The following FLCN variants were observed in gnomAD, a reference collection of about 807,000 sequenced individuals.
The protein encoded by FLCN is folliculin.
FLCN carries 22 observed loss-of-function variants against 62.5 expected under a neutral mutation model. The observed-to-expected ratio is 0.35, with a 90% CI of 0.25 to 0.50. The LOEUF (loss-of-function observed/expected upper bound fraction) is 0.50, where lower values mean the gene tolerates loss of function less well. Ranked by LOEUF, FLCN falls within the 20% of genes least tolerant of loss-of-function variation. The pLI, the probability that FLCN is intolerant of heterozygous loss-of-function variation, is 0.97. For synonymous variants in FLCN, 319 were observed against 310.0 expected (o/e 1.03, Z -0.30); for missense variants, 657 against 778.0 (o/e 0.84, Z 1.85).
intron 3 of FLCN, among the ~76,000 whole-genome samples, chr17:17,230,315 G>A (rs2047382032): frequency 6.6e-6 from 1 of 152,158 alleles, no homozygotes; most frequent in African/African-American, 2.4e-5. Flanking sequence ...TGGATCACTT[G>A]AGGTCAGGAG....
rs1239372508 is a variant in FLCN at position 17,216,796 on chromosome 17, G to A, written c.1176+273C>T. Among the ~76,000 whole-genome samples, 2 of 152,150 alleles carry A rather than the reference G, an allele frequency of 1.3e-5. No homozygotes were observed. The highest frequency in any genetic ancestry group is 2.1e-4 in the South Asian group (1 of 4,826). On this transcript the variant is annotated intron_variant, in intron 10 of 13. Transcript: ENST00000285071. This position sits in a 1 kb window ranked among gnomAD's most constrained non-coding sequence, Gnocchi z 4.0. ...CCTGCACAGATGTTTGTCTCCTACCGCATCCCACAAAGAAGCTTTTACCAA... is the reference window on the plus strand; with the variant it reads ...CCTGCACAGATGTTTGTCTCCTACCACATCCCACAAAGAAGCTTTTACCAA...
intron 5 of FLCN, chr17:17,225,460 C>A (rs2047219377): frequency 6.5e-6 from 1 of 154,126 alleles, no homozygotes; most frequent in South Asian, 2.0e-4. Flanking sequence ...CACCTGTAAT[C>A]CCAGCACTTC....
chr17:17,214,147 A>G (rs1202529013), intron 13 of FLCN, among the ~76,000 whole-genome samples: 1 of 152,024 alleles, frequency 6.6e-6, no homozygotes, highest in Non-Finnish European at 1.5e-5. Context: ...GCCAAGAAGA[A>G]AGAAAAACCT....
chr17:17,221,252 A>T (rs2047075439), intron 8 of FLCN: 1 of 1,540,576 alleles, frequency 6.5e-7, no homozygotes, highest in African/African-American at 1.4e-5. Flanking sequence ...CGGGACGAGA[A>T]GCCTTTAATC....
chr17:17,226,096 A>G (rs762363261), intron 5 of FLCN, 80 bp downstream of exon 5: 1 of 1,592,764 alleles, frequency 6.3e-7, no homozygotes, highest in South Asian at 1.1e-5. Context: ...TCCCTGTGCA[A>G]TGCTGGCTCC....
Position 17,223,930 on chromosome 17 carries a change from C to T in FLCN, c.610G>A (p.Ala204Thr), listed in dbSNP as rs1456509027. The T allele has an allele frequency of 1.9e-6, 3 of 1,613,220 alleles. No homozygotes were observed. Among genetic ancestry groups the T allele is most frequent in the Non-Finnish European group, 2.5e-6 (3 of 1,180,048 alleles). Residue 204 changes from alanine (A) to threonine (T), a missense_variant, in exon 6 of 14, where the codon GCG (alanine) becomes ACG (threonine). Ala to Thr is a moderately conservative substitution (Grantham distance 58). Transcript: ENST00000285071. ...CTCATCTCTGAATTCACCTTGAGCG[C>T]CTTGCCCTGGAGCTCATCGATGATT... Reference protein sequence around the residue: ...RGIIDELQGKALKVFEAEQFG... With the variant: ...RGIIDELQGKTLKVFEAEQFG...
chr17:17,228,424 C>A, intron 3 of FLCN: 1 of 459,530 alleles, frequency 2.2e-6, no homozygotes. Context: ...TGTGACAGAG[C>A]CACAGCCACA....
At chr17:17,230,046 T>C (rs1015207527) in intron 3 of FLCN, among the ~76,000 whole-genome samples, 1 of 152,056 alleles carries the variant, frequency 6.6e-6, no homozygotes, top group African/African-American at 2.4e-5. Flanking sequence ...GGGTGTGTCA[T>C]GGGGTTCTCA....
intron 11 of FLCN, among the ~76,000 whole-genome samples, chr17:17,215,880 C>T (rs540284547): frequency 2.8e-4 from 42 of 152,290 alleles, no homozygotes; most frequent in Middle Eastern, 3.4e-3. Context: ...CCCTGGACAT[C>T]CCCAAACCAA....
chr17:17,214,139 C>T (rs2046834335), intron 13 of FLCN, among the ~76,000 whole-genome samples: 1 of 137,928 alleles, frequency 7.3e-6, no homozygotes, highest in Non-Finnish European at 1.5e-5. Context: ...GTCAAGACGC[C>T]AAGAAGAAAG....
rs2046929527 is a variant in FLCN, at chr17:17,216,519, G to A, written c.1177-16C>T. The A allele has an allele frequency of 6.2e-7, 1 of 1,613,394 alleles. No individual in the cohort carries two copies. The highest frequency in any genetic ancestry group is 1.3e-5 in the African/African-American group (1 of 74,910). On this transcript the variant is annotated splice_polypyrimidine_tract_variant and intron_variant, in intron 10 of 13. Transcript: ENST00000285071. The surrounding 1 kb of genome is among the most constrained non-coding windows in gnomAD (Gnocchi z 4.0). ...GAAGCATGGTCTGAGGAGGACAGCA[G>A]GACTCAGACCAAGGACACGAGGAAG...
At position 17,217,917 on chromosome 17, in the gene FLCN, C is replaced by A. The variant is rs141317515; in HGVS notation, c.1063-735G>T. On this transcript the variant is annotated intron_variant, in intron 9 of 13. Coordinates refer to ENST00000285071, the MANE Select transcript of FLCN (RefSeq NM_144997.7). ...CCCCAACAGCCTCAAAGTAGTCCCA[C>A]CTCCAGAGGAATTCCAGACCCCTTC... 2.4e-3 allele frequency among the ~76,000 whole-genome samples: 360 copies of A among 152,286 alleles called. 1 individual carries two copies. The highest frequency in any genetic ancestry group is 0.017 in the Middle Eastern group (5 of 294).
At chr17:17,227,352 C>A (rs2047282648) in intron 4 of FLCN, among the ~76,000 whole-genome samples, 1 of 151,742 alleles carries the variant, frequency 6.6e-6, no homozygotes, top group South Asian at 2.1e-4. Context: ...GGGGACCCGC[C>A]TCCAGGACAG....
chr17:17,227,774 C>A, intron 4 of FLCN, 115 bp downstream of exon 4: 1 of 1,423,822 alleles, frequency 7.0e-7, no homozygotes, highest in South Asian at 1.2e-5. Flanking sequence ...AACTGAAGGG[C>A]CCCTGAGAAG....
chr17:17,217,983 G>A (rs2046975459), intron 9 of FLCN, among the ~76,000 whole-genome samples: 1 of 152,172 alleles, frequency 6.6e-6, no homozygotes, highest in Non-Finnish European at 1.5e-5. Flanking sequence ...GAAGGTTTCA[G>A]CCAAATGCAG....
intron 13 of FLCN, 127 bp from the exon 14 acceptor site, chr17:17,213,983 C>G: frequency 9.8e-7 from 1 of 1,019,020 alleles, no homozygotes; most frequent in Non-Finnish European, 1.5e-6. Flanking sequence ...CTGGAATCCA[C>G]ACCCTTGGGG....
chr17:17,218,820 T>C (rs2046999766), intron 9 of FLCN, among the ~76,000 whole-genome samples, 199 bp downstream of exon 9: 1 of 152,100 alleles, frequency 6.6e-6, no homozygotes, highest in Non-Finnish European at 1.5e-5. Flanking sequence ...GATACTTAGG[T>C]CATCACTGAA....
chr17:17,235,803 C>G (rs1210669145), intron 1 of FLCN: 2 of 152,246 alleles, frequency 1.3e-5, no homozygotes, highest in Non-Finnish European at 2.9e-5. Flanking sequence ...TTGAGTGTGT[C>G]TCACGAGTCT....
rs1057522057 is a variant in FLCN, at chr17:17,223,907, C to A, written c.618+15G>T. On this transcript the variant is annotated intron_variant, in intron 6 of 13. Coordinates refer to ENST00000285071, the MANE Select transcript of FLCN (RefSeq NM_144997.7). ...AGGGCCCCCTGCCGCCCCGGCACCT[C>A]ATCTCTGAATTCACCTTGAGCGCCT... is the stretch of plus-strand genomic sequence containing the variant. 1.9e-6 allele frequency: 3 copies of A among 1,613,136 alleles called. No individual in the cohort carries two copies. Among genetic ancestry groups the A allele is most frequent in the Non-Finnish European group, 2.5e-6 (3 of 1,179,990 alleles).
Sources: allele counts gnomAD v4.1 joint callset (sites outside exome capture counted in the v4.1 genomes callset), GRCh38; gene constraint gnomAD v4.1.1; non-coding constraint Gnocchi (gnomAD v3.1); transcripts MANE v1.5; gene names NCBI Gene and HGNC (gene_info 2026-07-23, HGNC 2026-07-21).